Variants in DPP6 observed in about 807,000 individuals in gnomAD.
The protein encoded by DPP6 is dipeptidyl peptidase like 6.
DPP6 carries 69 observed loss-of-function variants against 122.6 expected under a neutral mutation model. That is an observed-to-expected ratio of 0.56 (90% CI 0.46 to 0.69). The LOEUF is 0.69. Among genes scored for constraint, DPP6 ranks in the 30% least tolerant of loss-of-function variants. The pLI, the probability that DPP6 is intolerant of heterozygous loss-of-function variation, is 0.00. For synonymous variants in DPP6, 418 were observed against 433.1 expected (o/e 0.97, Z 0.43); for missense variants, 928 against 1,116.9 (o/e 0.83, Z 2.41).
chr7:154,128,634 C>T (rs930650390), intron 1 of DPP6, among the ~76,000 whole-genome samples: 3 of 152,112 alleles, frequency 2.0e-5, no homozygotes, highest in Non-Finnish European at 4.4e-5. Context: ...CGTGATCCAC[C>T]CGCCTCGGCC....
rs369548175 is a variant in DPP6, at chr7:154,879,372, A to C, written c.2079-1516A>C. ...GAGGCGGGCGGATCACGAGGTCAGGAGATCGAGACCATCCTGGCTAACACG... is the reference window on the plus strand; with the variant it reads ...GAGGCGGGCGGATCACGAGGTCAGGCGATCGAGACCATCCTGGCTAACACG... On this transcript the variant is annotated intron_variant, in intron 20 of 25. Coordinates refer to ENST00000377770, the MANE Select transcript of DPP6 (RefSeq NM_130797.4). Among the ~76,000 whole-genome samples the C allele has an allele frequency of 1.4e-4, 16 of 110,534 alleles. 4 individuals carry two copies. The highest frequency in any genetic ancestry group is 6.0e-4 in the African/African-American group (15 of 25,142). The allele number at this position is 110,534 out of a possible 152,430, so 72.5% of individuals were successfully genotyped here. A position where few individuals can be genotyped will look rare whatever the true frequency, so the allele number is the denominator to read the frequency against.
At chr7:154,010,684 C>T (rs550263418) in intron 1 of DPP6, among the ~76,000 whole-genome samples, 1 of 152,094 alleles carries the variant, frequency 6.6e-6, no homozygotes, top group Non-Finnish European at 1.5e-5. Context: ...TGGGCTTTTG[C>T]TTTTATTAGT....
At chr7:153,896,499 C>T (rs1799420956) in intron 1 of DPP6, among the ~76,000 whole-genome samples, 1 of 151,990 alleles carries the variant, frequency 6.6e-6, no homozygotes, top group Non-Finnish European at 1.5e-5. Context: ...AATGAATTAA[C>T]ACATGAACAA....
At chr7:154,460,927 T>C (rs879838625) in intron 2 of DPP6, among the ~76,000 whole-genome samples, 2 of 152,196 alleles carry the variant, frequency 1.3e-5, no homozygotes, top group Non-Finnish European at 2.9e-5. Context: ...TGTTATGCTA[T>C]CAAATAGTAA....
intron 17 of DPP6, among the ~76,000 whole-genome samples, chr7:154,855,322 G>A (rs1214185577): frequency 6.6e-6 from 1 of 152,044 alleles, no homozygotes; most frequent in Non-Finnish European, 1.5e-5. Flanking sequence ...AGATTTTAAA[G>A]CCCCCACAAA....
chr7:154,324,571 C>G (rs1053948519), intron 1 of DPP6, among the ~76,000 whole-genome samples: 1 of 152,176 alleles, frequency 6.6e-6, no homozygotes, highest in African/African-American at 2.4e-5. Flanking sequence ...TACTTGATTG[C>G]ACTCACCTTT....
chr7:153,929,572 G>A (rs1472840291), intron 1 of DPP6, among the ~76,000 whole-genome samples: 5 of 152,016 alleles, frequency 3.3e-5, no homozygotes, highest in African/African-American at 1.2e-4. Flanking sequence ...AATACAGATA[G>A]AGGAGAGAGC....
At chr7:154,477,391 T>C (rs1335913741) in intron 3 of DPP6, among the ~76,000 whole-genome samples, 1 of 152,070 alleles carries the variant, frequency 6.6e-6, no homozygotes, top group East Asian at 1.9e-4. Context: ...AAACCTGAGC[T>C]CTAGGGTTCA....
At chr7:154,308,731 T>G (rs1806588882) in intron 1 of DPP6, among the ~76,000 whole-genome samples, 1 of 152,232 alleles carries the variant, frequency 6.6e-6, no homozygotes, top group South Asian at 2.1e-4. Context: ...AGGGATTTTT[T>G]TTCCCTTAAA....
At chr7:154,096,671 G>C (rs1386595019) in intron 1 of DPP6, among the ~76,000 whole-genome samples, 1 of 151,890 alleles carries the variant, frequency 6.6e-6, no homozygotes, top group Non-Finnish European at 1.5e-5. Context: ...AAAACAGTGG[G>C]AGAATAAAAT....
chr7:154,630,879 C>G (rs557070275), intron 5 of DPP6, among the ~76,000 whole-genome samples: 78 of 152,192 alleles, frequency 5.1e-4, no homozygotes, highest in Admixed American at 3.1e-3. Context: ...TACAGCAAAC[C>G]AGCATGGCAC....
chr7:154,575,574 G>T (rs1172270572), intron 5 of DPP6, among the ~76,000 whole-genome samples: 1 of 96,302 alleles, frequency 1.0e-5, no homozygotes. Context: ...TGTGGTATAT[G>T]TGTATGTGTG....
chr7:153,971,754 CTG>C (rs1347107173), intron 1 of DPP6, among the ~76,000 whole-genome samples: 1 of 143,574 alleles, frequency 7.0e-6, no homozygotes, highest in Non-Finnish European at 1.5e-5. Context: ...TCCCATAGGA[CTG>C]TGCTGCAGGT....
At chr7:154,035,055 C>A (rs1375480390) in intron 1 of DPP6, among the ~76,000 whole-genome samples, 1 of 152,020 alleles carries the variant, frequency 6.6e-6, no homozygotes, top group African/African-American at 2.4e-5. Flanking sequence ...CCCCATCCGA[C>A]CCTGAGGCAC....
At chr7:153,922,953 A>T (rs1800710408) in intron 1 of DPP6, among the ~76,000 whole-genome samples, 1 of 152,248 alleles carries the variant, frequency 6.6e-6, no homozygotes, top group Non-Finnish European at 1.5e-5. Flanking sequence ...GACATCAGTG[A>T]TTCCAAATGG....
At chr7:154,062,770 C>T (rs1283144232) in intron 1 of DPP6, among the ~76,000 whole-genome samples, 3 of 85,030 alleles carry the variant, frequency 3.5e-5, no homozygotes, top group Non-Finnish European at 6.9e-5. Context: ...TGAGAGCCAA[C>T]CCCTGGTTCC....
chr7:153,885,170 CA>C (rs993849054), upstream of DPP6, among the ~76,000 whole-genome samples: 2 of 151,580 alleles, frequency 1.3e-5, no homozygotes, highest in Non-Finnish European at 2.9e-5. Flanking sequence ...AAGGAAGAAG[CA>C]AAAGAACCAT....
intron 3 of DPP6, among the ~76,000 whole-genome samples, chr7:154,491,539 C>T (rs1221766209): frequency 1.3e-5 from 2 of 152,170 alleles, no homozygotes; most frequent in Non-Finnish European, 2.9e-5. Context: ...CTTCCTTTGC[C>T]ATTGGAGCCT....
intron 10 of DPP6, among the ~76,000 whole-genome samples, chr7:154,782,638 C>T (rs560399981): frequency 5.9e-5 from 9 of 152,178 alleles, no homozygotes; most frequent in African/African-American, 2.2e-4. Context: ...GAGGATCGCT[C>T]GTCTCCAATC....
Sources: gnomAD v4.1 joint callset for allele counts (sites outside exome capture counted in the v4.1 genomes callset) on GRCh38, gnomAD v4.1.1 for gene constraint, MANE v1.5 for transcripts, NCBI Gene and HGNC (gene_info 2026-07-23, HGNC 2026-07-21) for gene names.